The following RBFOX1 variants were observed in gnomAD, a reference collection of about 807,000 sequenced individuals.
RBFOX1 encodes RNA binding protein fox-1 homolog 1.
RBFOX1 carries 8 observed loss-of-function variants against 57.7 expected under a neutral mutation model. The observed-to-expected ratio is 0.14, with a 90% CI of 0.08 to 0.25. RBFOX1 has a LOEUF of 0.25. Ranked by LOEUF, RBFOX1 falls within the 10% of genes least tolerant of loss-of-function variation. RBFOX1 has a pLI of 1.00. For synonymous variants in RBFOX1, 326 were observed against 222.4 expected (o/e 1.47, Z -4.15); for missense variants, 611 against 548.5 (o/e 1.11, Z -1.14).
intron 2 of RBFOX1, among the ~76,000 whole-genome samples, chr16:6,323,379 A>G (rs76639996): frequency 2.0e-5 from 3 of 152,086 alleles, no homozygotes; most frequent in African/African-American, 7.2e-5. Context: ...GGGTGTGCAC[A>G]ATCTGTCTTC....
rs1175630040 is a variant in RBFOX1, at chr16:7,553,675, A to G, written c.271-26102A>G. On this transcript the variant is annotated intron_variant, in intron 5 of 15. Coordinates refer to ENST00000550418, the MANE Select transcript of RBFOX1 (RefSeq NM_018723.4). ...GAAGGCACTGCTCAGCATTACCAAG[A>G]TGCAGCTGTGTCCTAACCCCCAGCT... Among the ~76,000 whole-genome samples the G allele has an allele frequency of 2.6e-5, 4 of 152,330 alleles. No homozygotes were observed. The East Asian group carries it at 7.7e-4, about 29-fold the overall frequency.
At chr16:6,547,327 G>C (rs2096910288) in intron 2 of RBFOX1, among the ~76,000 whole-genome samples, 1 of 152,066 alleles carries the variant, frequency 6.6e-6, no homozygotes. Context: ...TGTTGTTAAT[G>C]ACTACTTATT....
chr16:7,012,556 C>T (rs1394416313), intron 3 of RBFOX1, among the ~76,000 whole-genome samples: 1 of 152,142 alleles, frequency 6.6e-6, no homozygotes, highest in Non-Finnish European at 1.5e-5. Flanking sequence ...TTTCTGGTTT[C>T]CTTTCTCTCT....
intron 4 of RBFOX1, among the ~76,000 whole-genome samples, chr16:7,316,963 AACAC>A (rs112548867): frequency 1.1e-3 from 159 of 147,004 alleles, no homozygotes; most frequent in African/African-American, 2.5e-3. Context: ...AAGAAGACAG[AACAC>A]ACACACACAC....
intron 3 of RBFOX1, among the ~76,000 whole-genome samples, chr16:6,735,340 C>G (rs749512935): frequency 6.6e-6 from 1 of 152,200 alleles, no homozygotes; most frequent in Non-Finnish European, 1.5e-5. Flanking sequence ...AACCTGGTTA[C>G]TTAGTGCCGT....
intron 4 of RBFOX1, among the ~76,000 whole-genome samples, chr16:7,479,199 G>A (rs903780636): frequency 7.3e-5 from 11 of 150,278 alleles, no homozygotes; most frequent in African/African-American, 2.5e-4. Flanking sequence ...TCTCGGCTCA[G>A]TGCAACTTCT....
intron 4 of RBFOX1, among the ~76,000 whole-genome samples, chr16:7,097,725 C>T (rs1324166803): frequency 6.6e-6 from 1 of 152,182 alleles, no homozygotes; most frequent in Non-Finnish European, 1.5e-5. Flanking sequence ...GATTCCTTCA[C>T]AGATGCTGAG....
intron 1 of RBFOX1, among the ~76,000 whole-genome samples, chr16:5,362,828 G>C (rs1029885198): frequency 1.3e-5 from 2 of 151,540 alleles, no homozygotes; most frequent in Non-Finnish European, 2.9e-5. Context: ...ATTTTACTTA[G>C]CATAATGTCT....
rs55873565 is a variant in RBFOX1 at position 5,784,602 on chromosome 16, C to G, written c.319-82701C>G. ...TCATGAGAATTCCATCCCCATGATT[C>G]GCTCACCTCCCATCTGGCCCCACCT... On this transcript the variant is annotated intron_variant, in intron 3 of 19. Transcript: ENST00000641259. Among the ~76,000 whole-genome samples, 275 of 152,042 alleles carry G rather than the reference C, an allele frequency of 1.8e-3. 1 individual carries two copies. Among genetic ancestry groups the G allele is most frequent in the African/African-American group, 6.3e-3 (260 of 41,482 alleles).
At chr16:6,277,412 G>A (rs971988160) in intron 1 of RBFOX1, among the ~76,000 whole-genome samples, 2 of 139,820 alleles carry the variant, frequency 1.4e-5, no homozygotes, top group Admixed American at 1.5e-4. Context: ...AACCGTGATC[G>A]CAGCGCTGCA....
chr16:5,883,228 A>G (rs186185506), intron 4 of RBFOX1, among the ~76,000 whole-genome samples: 3 of 152,338 alleles, frequency 2.0e-5, no homozygotes. Flanking sequence ...CAAAAGCAAC[A>G]CATTAAATGT....
intron 3 of RBFOX1, among the ~76,000 whole-genome samples, chr16:5,648,658 A>G (rs1249190736): frequency 2.0e-5 from 3 of 152,138 alleles, no homozygotes; most frequent in East Asian, 1.9e-4. Context: ...ACTCTGATCT[A>G]GAAGGAGAAA....
Position 7,243,632 on chromosome 16 carries a change from C to G in RBFOX1, c.27+191534C>G, listed in dbSNP as rs956679029. ...GCATGATAATAGCTCACTATAGCCT[C>G]AAATTCTGGGGCTCAAGTGATCCTC... On this transcript the variant is annotated intron_variant, in intron 4 of 15. Coordinates refer to ENST00000550418, the MANE Select transcript of RBFOX1 (RefSeq NM_018723.4). Among the ~76,000 whole-genome samples the G allele has an allele frequency of 2.0e-5, 3 of 152,104 alleles. No homozygotes were observed. In the South Asian group the frequency reaches 6.2e-4, roughly 32 times the overall value.
At chr16:5,468,351 T>C (rs1005243870) in intron 2 of RBFOX1, among the ~76,000 whole-genome samples, 42 of 152,228 alleles carry the variant, frequency 2.8e-4, no homozygotes, top group African/African-American at 1.0e-3. Flanking sequence ...CCCCTGTTGT[T>C]CTCCTCTCCC....
chr16:7,292,009 A>T (rs2095788957), intron 4 of RBFOX1, among the ~76,000 whole-genome samples: 1 of 141,244 alleles, frequency 7.1e-6, no homozygotes, highest in Non-Finnish European at 1.5e-5. Context: ...TATATGTATT[A>T]TATATTGTAT....
intron 3 of RBFOX1, among the ~76,000 whole-genome samples, chr16:6,802,479 C>G (rs192826935): frequency 6.6e-6 from 1 of 152,220 alleles, no homozygotes; most frequent in East Asian, 1.9e-4. Context: ...GAGTTTGAGA[C>G]CAGCCTGACC....
chr16:7,078,249 G>A (rs1446664961), intron 4 of RBFOX1, among the ~76,000 whole-genome samples: 2 of 152,166 alleles, frequency 1.3e-5, no homozygotes, highest in Non-Finnish European at 2.9e-5. Flanking sequence ...GTTTTTTGGT[G>A]TTAGAAAAGC....
intron 4 of RBFOX1, among the ~76,000 whole-genome samples, chr16:7,433,648 T>C (rs1004355589): frequency 7.9e-5 from 12 of 152,212 alleles, no homozygotes; most frequent in Admixed American, 2.0e-4. Context: ...GTTACCAATT[T>C]AGTTTCTACA....
At chr16:6,208,703 C>G (rs1447140209) in intron 1 of RBFOX1, among the ~76,000 whole-genome samples, 1 of 152,146 alleles carries the variant, frequency 6.6e-6, no homozygotes. Flanking sequence ...TTTAAAGAGT[C>G]AGAACCTTCC....
Sources: allele counts gnomAD v4.1 joint callset (sites outside exome capture counted in the v4.1 genomes callset), GRCh38; gene constraint gnomAD v4.1.1; transcripts MANE v1.5; gene names NCBI Gene and HGNC (gene_info 2026-07-23, HGNC 2026-07-21).